GTF3C4: variants seen among roughly 807,000 people sequenced by gnomAD.
GTF3C4 encodes the protein general transcription factor IIIC subunit 4.
Under a neutral mutation model 67.5 loss-of-function variants are expected in GTF3C4, and 28 were observed. The ratio of observed to expected loss-of-function variants is 0.41; its 90% CI spans 0.31 to 0.57. The LOEUF (loss-of-function observed/expected upper bound fraction) is 0.57, where lower values mean the gene tolerates loss of function less well. GTF3C4 is among the 20% of genes least tolerant of loss of function. GTF3C4 has a pLI of 0.21. For synonymous variants in GTF3C4, 409 were observed against 393.0 expected (o/e 1.04, Z -0.48); for missense variants, 831 against 1,033.2 (o/e 0.80, Z 2.68).
Position 132,687,369 on chromosome 9 carries a change from A to G in GTF3C4, c.2404+42A>G, listed in dbSNP as rs189006800. 302 of 982,286 alleles carry G rather than the reference A, an allele frequency of 3.1e-4. No homozygotes were observed. The East Asian group carries it at 6.7e-3, about 22-fold the overall frequency. The allele number at this position is 982,286 out of a possible 1,614,324, so 60.8% of individuals were successfully genotyped here. A position where few individuals can be genotyped will look rare whatever the true frequency, so the allele number is the denominator to read the frequency against. ...ACTTGGGAGGGTGGGTGGGTGGAAC[A>G]TGCTGGCAGAGGGCCAGCGCCCCAG... On this transcript the variant is annotated intron_variant, in intron 4 of 4. Coordinates refer to ENST00000372146, the MANE Select transcript of GTF3C4 (RefSeq NM_012204.4).
chr9:132,670,642 G>A lies in GTF3C4; in HGVS notation c.44G>A (p.Gly15Glu). The change falls in exon 1 of 5, where the codon GGG becomes GAG. Residue 15 changes from glycine (G) to glutamate (E), a missense_variant. By Grantham distance (98) the Gly-to-Glu change is moderately conservative. Transcript: ENST00000372146. ...DQARVGPADD[G>E]PAPSGEEEGE... ...GCCCGGGTGGGGCCCGCGGACGACG[G>A]GCCTGCGCCGTCTGGGGAGGAGGAG... is the stretch of plus-strand genomic sequence containing the variant. 6.8e-7 allele frequency: 1 copy of A among 1,472,988 alleles called. No individual in the cohort carries two copies. Among genetic ancestry groups the A allele is most frequent in the South Asian group, 1.4e-5 (1 of 71,858 alleles). 91.2% of individuals were successfully genotyped at this position (1,472,988 alleles called of 1,614,324 possible).
chr9:132,682,335 A>G (rs530862285), intron 2 of GTF3C4, among the ~76,000 whole-genome samples: 111 of 152,310 alleles, frequency 7.3e-4, no homozygotes, highest in African/African-American at 2.5e-3. Context: ...TGGCTTACCA[A>G]CTTCTGAGCT....
At chr9:132,674,464 T>C (rs1202302533) in intron 1 of GTF3C4, among the ~76,000 whole-genome samples, 3 of 152,236 alleles carry the variant, frequency 2.0e-5, no homozygotes, top group African/African-American at 7.2e-5. Context: ...CTCTCCATCC[T>C]GTCAAGAATT....
Position 132,683,288 on chromosome 9 carries a change from A to C in GTF3C4, c.2185-275A>C, listed in dbSNP as rs561414869. Among the ~76,000 whole-genome samples the C allele has an allele frequency of 5.9e-5, 9 of 152,332 alleles. 1 individual carries two copies. In the South Asian group the frequency reaches 1.2e-3, roughly 21 times the overall value. On this transcript the variant is annotated intron_variant, in intron 2 of 4. Coordinates refer to ENST00000372146, the MANE Select transcript of GTF3C4 (RefSeq NM_012204.4). Reference sequence around the variant, plus strand: ...GTAATAAGATTTTGGTTTTCAGAACAGTTTTCTCCTTAGTGGTTACAGTTT... The same window carrying C: ...GTAATAAGATTTTGGTTTTCAGAACCGTTTTCTCCTTAGTGGTTACAGTTT...
At chr9:132,671,976 C>G (rs956140639) in intron 1 of GTF3C4, among the ~76,000 whole-genome samples, 3 of 152,152 alleles carry the variant, frequency 2.0e-5, no homozygotes, top group African/African-American at 7.2e-5. Flanking sequence ...GAGTCATTAG[C>G]TATAGGTAGG....
In GTF3C4 at chr9:132,693,745, A is replaced by G. The variant is rs1202333228; in HGVS notation, c.*4800A>G. On this transcript the variant is annotated 3_prime_UTR_variant, in exon 5 of 5. Coordinates refer to ENST00000372146, the MANE Select transcript of GTF3C4 (RefSeq NM_012204.4). The stretch of plus-strand genomic sequence containing the variant: ...ATACTTTACCAGTTTACATTTGGCT[A>G]GCAGACTGGTAAGGTTTAGGGTTCT... 1 of 152,216 alleles carries G rather than the reference A, an allele frequency of 6.6e-6. No individual in the cohort carries two copies. Among genetic ancestry groups the G allele is most frequent in the African/African-American group, 2.4e-5 (1 of 41,452 alleles). 9.4% of individuals were successfully genotyped at this position (152,216 alleles called of 1,614,324 possible). A position where few individuals can be genotyped will look rare whatever the true frequency, so the allele number is the denominator to read the frequency against.
Position 132,690,688 on chromosome 9 carries a change from T to C in GTF3C4, c.*1743T>C, listed in dbSNP as rs1269563911. Reference sequence around the variant, plus strand: ...AGAAGAGCGTTTATCCACTATTGATTTTCAAGAAAGAAACCAAGCAGCATT... The same window carrying C: ...AGAAGAGCGTTTATCCACTATTGATCTTCAAGAAAGAAACCAAGCAGCATT... On this transcript the variant is annotated 3_prime_UTR_variant, in exon 5 of 5. Transcript: ENST00000372146. 1 of 152,194 alleles carries C rather than the reference T, an allele frequency of 6.6e-6. No individual in the cohort carries two copies. The highest frequency in any genetic ancestry group is 6.5e-5 in the Admixed American group (1 of 15,280). 9.4% of individuals were successfully genotyped at this position (152,194 alleles called of 1,614,324 possible).
At chr9:132,672,809 G>T (rs1053334358) in intron 1 of GTF3C4, among the ~76,000 whole-genome samples, 1 of 152,178 alleles carries the variant, frequency 6.6e-6, no homozygotes, top group Non-Finnish European at 1.5e-5. Context: ...ATAATGAAGC[G>T]TTGTTTAGGT....
rs759782943 is a variant in GTF3C4 at position 132,683,673 on chromosome 9, C to T, written c.2295C>T (p.Ser765=). Residue 765 remains serine (S), a synonymous_variant, in exon 3 of 5, where the codon TCC becomes TCT. Transcript: ENST00000372146. ...PFTDRKQAVC[S]NGHIWLRCFL... ...CAGATCGCAAACAGGCAGTCTGTTC[C>T]AATGGCCACATTTGGCTCCGGTAAG... The T allele has an allele frequency of 6.2e-7, 1 of 1,609,900 alleles. No homozygotes were observed. The highest frequency in any genetic ancestry group is 2.2e-5 in the East Asian group (1 of 44,776).
chr9:132,691,291 G>T lies in GTF3C4; in HGVS notation c.*2346G>T, dbSNP rs1448916045. 1 of 152,202 alleles carries T rather than the reference G, an allele frequency of 6.6e-6. No individual in the cohort carries two copies. Among genetic ancestry groups the T allele is most frequent in the African/African-American group, 2.4e-5 (1 of 41,430 alleles). 9.4% of individuals were successfully genotyped at this position (152,202 alleles called of 1,614,324 possible). The stretch of plus-strand genomic sequence containing the variant: ...CTCTGAGGGTCAGCATACCTCATGG[G>T]AGTGTGTTGCTCAGTGCAACCTTGG... On this transcript the variant is annotated 3_prime_UTR_variant, in exon 5 of 5. Transcript: ENST00000372146.
Position 132,689,024 on chromosome 9 carries a change from A to C in GTF3C4, c.*79A>C. 9.4e-7 allele frequency: 1 copy of C among 1,068,540 alleles called. No homozygotes were observed. Among genetic ancestry groups the C allele is most frequent in the East Asian group, 2.4e-5 (1 of 42,388 alleles). 66.2% of individuals were successfully genotyped at this position (1,068,540 alleles called of 1,614,324 possible). A position where few individuals can be genotyped will look rare whatever the true frequency, so the allele number is the denominator to read the frequency against. ...TCCTCCAGCCTGAAGAGAAGGATGCACTGGAGGAAGCCGGACCCTCACGAG... is the reference window on the plus strand; with the variant it reads ...TCCTCCAGCCTGAAGAGAAGGATGCCCTGGAGGAAGCCGGACCCTCACGAG... On this transcript the variant is annotated 3_prime_UTR_variant, in exon 5 of 5. Transcript: ENST00000372146.
chr9:132,670,796 C>T lies in GTF3C4; in HGVS notation c.198C>T (p.Gly66=), dbSNP rs1835718532. The change falls in exon 1 of 5, where the codon GGC becomes GGT. Residue 66 remains glycine, a synonymous_variant. Transcript: ENST00000372146. The part of the protein sequence containing the change: ...PAVKLQYAVS[G]LEPLAWSEDH... ...TGAAGCTGCAGTATGCGGTGAGCGG[C>T]CTGGAACCGCTGGCTTGGTCCGAGG... 1 of 1,598,068 alleles carries T rather than the reference C, an allele frequency of 6.3e-7. No individual in the cohort carries two copies. The highest frequency in any genetic ancestry group is 8.5e-7 in the Non-Finnish European group (1 of 1,175,868).
intron 1 of GTF3C4, among the ~76,000 whole-genome samples, chr9:132,674,979 T>C (rs1197829350): frequency 6.6e-6 from 1 of 152,096 alleles, no homozygotes; most frequent in Non-Finnish European, 1.5e-5. Context: ...GGCAGTGAGC[T>C]GTAGTCACGC....
Position 132,670,469 on chromosome 9 carries a change from C to T in GTF3C4, c.-130C>T. On this transcript the variant is annotated 5_prime_UTR_variant, in exon 1 of 5. Coordinates refer to ENST00000372146, the MANE Select transcript of GTF3C4 (RefSeq NM_012204.4). ...CTGGCAACGGCGGGGTCCTTCTTGG[C>T]TCGGCGGCGCTCGGGGCCTGAGGGG... 1 of 973,198 alleles carries T rather than the reference C, an allele frequency of 1.0e-6. No individual in the cohort carries two copies. The highest frequency in any genetic ancestry group is 1.4e-6 in the Non-Finnish European group (1 of 711,690). The allele number at this position is 973,198 out of a possible 1,614,324, so 60.3% of individuals were successfully genotyped here. A position where few individuals can be genotyped will look rare whatever the true frequency, so the allele number is the denominator to read the frequency against.
chr9:132,678,902 C>G lies in GTF3C4; in HGVS notation c.1283C>G (p.Ser428Cys). The change falls in exon 2 of 5, where the codon TCC becomes TGC. Residue 428 changes from serine (S) to cysteine (C), a missense_variant. Ser to Cys is a moderately radical substitution (Grantham distance 112). This residue lies in a region of GTF3C4 where 390 missense variants were observed against 540.3 expected (regional missense o/e 0.72). Coordinates refer to ENST00000372146, the MANE Select transcript of GTF3C4 (RefSeq NM_012204.4). This position sits in a 1 kb window ranked among gnomAD's most constrained non-coding sequence, Gnocchi z 6.5. ...GGCCTTCACTCACTGCCAATTGTCT[C>G]CATGACTGCAGACAAACAGAATGGA... is the stretch of plus-strand genomic sequence containing the variant. ...VTGLHSLPIV[S>C]MTADKQNGTV... is the part of the protein sequence containing the mutation. 6.2e-7 allele frequency: 1 copy of G among 1,614,106 alleles called. No individual in the cohort carries two copies. Among genetic ancestry groups the G allele is most frequent in the African/African-American group, 1.3e-5 (1 of 75,046 alleles).
chr9:132,670,378 G>A (rs955397489), upstream of GTF3C4: 3 of 1,223,244 alleles, frequency 2.5e-6, no homozygotes, highest in African/African-American at 1.6e-5. Context: ...GGGTCCTCGG[G>A]GCTCCCCGCT....
At chr9:132,683,157 T>G (rs974429390) in intron 2 of GTF3C4, among the ~76,000 whole-genome samples, 2 of 152,220 alleles carry the variant, frequency 1.3e-5, no homozygotes, top group African/African-American at 4.8e-5. Context: ...CTATAGAGAT[T>G]ATGCTTTTTC....
chr9:132,678,263 G>A lies in GTF3C4; in HGVS notation c.644G>A (p.Arg215His), dbSNP rs1835891334. 3 of 1,614,180 alleles carry A rather than the reference G, an allele frequency of 1.9e-6. No homozygotes were observed. Among genetic ancestry groups the A allele is most frequent in the Non-Finnish European group, 2.5e-6 (3 of 1,180,024 alleles). ...LVDLTEIYGE[R>H]LYETSYRLSK... Reference sequence around the variant, plus strand: ...GACCTGACTGAGATCTATGGAGAACGTCTTTATGAGACCAGTTACAGGCTC... The same window carrying A: ...GACCTGACTGAGATCTATGGAGAACATCTTTATGAGACCAGTTACAGGCTC... Residue 215 changes from arginine (R) to histidine (H), a missense_variant, in exon 2 of 5, where the codon CGT becomes CAT. Physicochemically the swap from Arg to His is conservative, Grantham distance 29. Transcript: ENST00000372146. The surrounding 1 kb of genome is among the most constrained non-coding windows in gnomAD (Gnocchi z 6.5).
chr9:132,671,232 C>T (rs951593936), intron 1 of GTF3C4, among the ~76,000 whole-genome samples: 2 of 152,182 alleles, frequency 1.3e-5, no homozygotes, highest in African/African-American at 4.8e-5. Context: ...GGAACCCCTC[C>T]TTCGCCCCTC....
Sources: allele counts gnomAD v4.1 joint callset (sites outside exome capture counted in the v4.1 genomes callset), GRCh38; gene constraint gnomAD v4.1.1; regional missense constraint gnomAD v4.1.1; non-coding constraint Gnocchi (gnomAD v3.1); transcripts MANE v1.5; gene names NCBI Gene and HGNC (gene_info 2026-07-23, HGNC 2026-07-21).